The following TYW1 variants were observed in gnomAD, a reference collection of about 807,000 sequenced individuals.
TYW1 encodes the protein tRNA-yW synthesizing protein 1 homolog, also known as S-adenosyl-L-methionine-dependent tRNA 4-demethylwyosine synthase TYW1.
In TYW1, 46 loss-of-function variants were observed where a neutral mutation model predicts 96.2. The ratio of observed to expected loss-of-function variants is 0.48; its 90% CI spans 0.38 to 0.61. The LOEUF (loss-of-function observed/expected upper bound fraction) is 0.61, where lower values mean the gene tolerates loss of function less well. TYW1 is among the 20% of genes least tolerant of loss of function. The pLI is 0.00. For missense variants in TYW1, 684 were observed against 909.6 expected (o/e 0.75, Z 3.19); for synonymous variants, 274 against 323.0 (o/e 0.85, Z 1.63).
At chr7:67,029,805 A>G (rs527712060) in intron 7 of TYW1, among the ~76,000 whole-genome samples, 2 of 152,188 alleles carry the variant, frequency 1.3e-5, no homozygotes, top group South Asian at 2.1e-4. Flanking sequence ...GGCTCAAGGG[A>G]TCCTCCCATC....
chr7:67,041,332 C>A (rs1298890268), intron 7 of TYW1, among the ~76,000 whole-genome samples: 1 of 151,610 alleles, frequency 6.6e-6, no homozygotes, highest in Non-Finnish European at 1.5e-5. Flanking sequence ...TTGAGACAGT[C>A]TTGCTGTGTT....
intron 10 of TYW1, among the ~76,000 whole-genome samples, chr7:67,072,332 C>T (rs1284095059): frequency 3.3e-5 from 5 of 151,306 alleles, no homozygotes; most frequent in East Asian, 1.9e-4. Context: ...CCGCAACCTC[C>T]ACCTCCTGGG....
intron 9 of TYW1, 99 bp downstream of exon 9, chr7:67,055,986 T>C: frequency 1.1e-6 from 1 of 911,892 alleles, no homozygotes; most frequent in Non-Finnish European, 1.6e-6. Context: ...AGGTATAATT[T>C]ACATTTAATT....
intron 15 of TYW1, among the ~76,000 whole-genome samples, chr7:67,217,304 T>C (rs971975042): frequency 1.3e-5 from 2 of 152,230 alleles, no homozygotes; most frequent in African/African-American, 4.8e-5. Context: ...TTTTCTTGCC[T>C]ATTCTCTATA....
At chr7:67,170,687 T>C (rs967170372) in intron 13 of TYW1, among the ~76,000 whole-genome samples, 1 of 152,200 alleles carries the variant, frequency 6.6e-6, no homozygotes, top group Admixed American at 6.5e-5. Flanking sequence ...CAGTCCCTTA[T>C]AACCACCAAT....
In TYW1 at chr7:67,084,559, C is replaced by T. The variant is rs370690246; in HGVS notation, c.1384+1020C>T. Among the ~76,000 whole-genome samples, 30 of 151,352 alleles carry T rather than the reference C, an allele frequency of 2.0e-4. No individual in the cohort carries two copies. The East Asian group carries it at 5.4e-3, about 27-fold the overall frequency. ...TTTTGGACCAGATCTCGCTCTGTCA[C>T]CCAGGCTGGAGTATGTGGTGCCATC... On this transcript the variant is annotated intron_variant, in intron 11 of 15. Coordinates refer to ENST00000359626, the MANE Select transcript of TYW1 (RefSeq NM_018264.4).
chr7:67,179,865 A>ATT (rs200362190), intron 13 of TYW1, among the ~76,000 whole-genome samples: 13,597 of 87,058 alleles, frequency 0.16, 2,636 homozygotes, highest in South Asian at 0.24. Context: ...ATATATATAT[A>ATT]TTTTTTTTTT....
At chr7:67,220,997 G>A (rs1389977121) in intron 15 of TYW1, among the ~76,000 whole-genome samples, 1 of 152,082 alleles carries the variant, frequency 6.6e-6, no homozygotes, top group Non-Finnish European at 1.5e-5. Context: ...AAAGTGCTGG[G>A]TTTACAGGTG....
chr7:67,233,645 T>C (rs796656948), intron 15 of TYW1, among the ~76,000 whole-genome samples: 5 of 136,452 alleles, frequency 3.7e-5, no homozygotes, highest in Non-Finnish European at 7.9e-5. Context: ...GATACTTAAC[T>C]TCAGATTTTA....
intron 7 of TYW1, among the ~76,000 whole-genome samples, chr7:67,047,809 T>TTTTTTTTGG (rs869086599): frequency 7.5e-6 from 1 of 133,522 alleles, no homozygotes; most frequent in African/African-American, 2.9e-5. Flanking sequence ...TTTTTTTTTT[T>TTTTTTTTGG]GAGGCAGAGT....
intron 11 of TYW1, among the ~76,000 whole-genome samples, chr7:67,084,260 TA>T (rs11348807): frequency 0.24 from 37,070 of 151,702 alleles, 4,808 homozygotes; most frequent in African/African-American, 0.32. Flanking sequence ...ATTCCTTATT[TA>T]AAAAAAAGGA....
chr7:67,139,780 A>G (rs925089154), intron 13 of TYW1, among the ~76,000 whole-genome samples: 15 of 142,434 alleles, frequency 1.1e-4, no homozygotes, highest in Non-Finnish European at 2.1e-4. Flanking sequence ...TGTATGCCCA[A>G]ATAAATTCAG....
Position 67,187,066 on chromosome 7 carries a change from T to G in TYW1, c.1809+3830T>G, listed in dbSNP as rs1323706683. ...ACCACAATTAAATTTTTTTTTTTTT[T>G]TTTTTTTTTTTTTTTGAGATAGGGT... On this transcript the variant is annotated intron_variant, in intron 14 of 15. Transcript: ENST00000359626. Among the ~76,000 whole-genome samples the G allele has an allele frequency of 9.9e-4, 80 of 80,786 alleles. No homozygotes were observed. The East Asian group carries it at 0.013, about 13-fold the overall frequency. 53.0% of individuals were successfully genotyped at this position (80,786 alleles called of 152,430 possible).
intron 3 of TYW1, among the ~76,000 whole-genome samples, chr7:67,003,762 G>A (rs146329155): frequency 8.7e-4 from 133 of 152,306 alleles, no homozygotes; most frequent in African/African-American, 3.1e-3. Flanking sequence ...TGAGTGTGAG[G>A]CCAGGTGTGG....
rs1562974313 is a variant in TYW1 at position 67,030,552 on chromosome 7, A to G, written c.984+5530A>G. 2.6e-5 allele frequency among the ~76,000 whole-genome samples: 4 copies of G among 152,008 alleles called. No homozygotes were observed. In the South Asian group the frequency reaches 8.3e-4, roughly 32 times the overall value. On this transcript the variant is annotated intron_variant, in intron 7 of 15. Coordinates refer to ENST00000359626, the MANE Select transcript of TYW1 (RefSeq NM_018264.4). ...GAGGCTGAGGCAGGAGAATCGCTTG[A>G]CCCCAGGAGGTGGAGGTTGCAGTGA...
intron 11 of TYW1, among the ~76,000 whole-genome samples, chr7:67,087,732 C>A (rs1796593506): frequency 6.6e-6 from 1 of 152,160 alleles, no homozygotes; most frequent in African/African-American, 2.4e-5. Flanking sequence ...TGATGTTCTT[C>A]AGGTTAGCAA....
chr7:67,027,588 T>C (rs1584478926), intron 7 of TYW1, among the ~76,000 whole-genome samples: 1 of 152,184 alleles, frequency 6.6e-6, no homozygotes, highest in South Asian at 2.1e-4. Context: ...TTGCCTCTTA[T>C]ATCTCAGACA....
intron 13 of TYW1, among the ~76,000 whole-genome samples, chr7:67,177,868 G>A (rs1439636552): frequency 1.1e-4 from 16 of 151,770 alleles, no homozygotes; most frequent in African/African-American, 3.1e-4. Flanking sequence ...CAAGAGACAA[G>A]TACAGCTGGG....
chr7:67,218,212 C>G (rs1034607266), intron 15 of TYW1, among the ~76,000 whole-genome samples: 1 of 151,846 alleles, frequency 6.6e-6, no homozygotes, highest in African/African-American at 2.4e-5. Flanking sequence ...GGATGTATTT[C>G]TATTTATTTA....
Sources: gnomAD v4.1 joint callset for allele counts (sites outside exome capture counted in the v4.1 genomes callset) on GRCh38, gnomAD v4.1.1 for gene constraint, MANE v1.5 for transcripts, NCBI Gene and HGNC (gene_info 2026-07-23, HGNC 2026-07-21) for gene names.